The following TMEM132B variants were observed in gnomAD, a reference collection of about 807,000 sequenced individuals.
TMEM132B encodes transmembrane protein 132B.
A neutral mutation model predicts 90.8 loss-of-function variants in TMEM132B; 18 were observed. The ratio of observed to expected loss-of-function variants is 0.20; its 90% confidence interval spans 0.14 to 0.29. The LOEUF (loss-of-function observed/expected upper bound fraction) is 0.29. Among genes scored for constraint, TMEM132B ranks in the 10% least tolerant of loss-of-function variants. The pLI is 1.00. For missense variants in TMEM132B, 1,096 were observed against 1,326.8 expected (o/e 0.83, Z 2.70); for synonymous variants, 504 against 523.3 (o/e 0.96, Z 0.50).
At chr12:125,583,111 G>A (rs76202444) in intron 4 of TMEM132B, among the ~76,000 whole-genome samples, 4 of 152,142 alleles carry the variant, frequency 2.6e-5, no homozygotes, top group Non-Finnish European at 5.9e-5. Context: ...CAGTTGGGGA[G>A]GGCATTGTGG....
chr12:125,494,973 C>T lies in TMEM132B; in HGVS notation c.1107-24466C>T, dbSNP rs1354031474. The stretch of plus-strand genomic sequence containing the variant: ...CTGAAAATGGATGCGTCCCTCCTCC[C>T]CCTCCTCCCTGGAAATGGCTGTGTC... On this transcript the variant is annotated intron_variant, in intron 3 of 8. Coordinates refer to ENST00000682704, the MANE Select transcript of TMEM132B (RefSeq NM_001366854.1). Among the ~76,000 whole-genome samples the T allele has an allele frequency of 3.7e-5, 5 of 133,580 alleles. No homozygotes were observed. The East Asian group carries it at 1.0e-3, about 27-fold the overall frequency. The allele number at this position is 133,580 out of a possible 152,430, so 87.6% of individuals were successfully genotyped here.
intron 1 of TMEM132B, among the ~76,000 whole-genome samples, chr12:125,280,999 C>T (rs543049715): frequency 6.6e-5 from 10 of 152,148 alleles, no homozygotes; most frequent in Non-Finnish European, 1.5e-4. Flanking sequence ...AATTAGAAAG[C>T]GACATGAAGT....
In TMEM132B at chr12:125,662,200, T is replaced by G. The variant is rs756090283; in HGVS notation, c.*7490T>G. 6 of 152,228 alleles carry G rather than the reference T, an allele frequency of 3.9e-5. No individual in the cohort carries two copies. The highest frequency in any genetic ancestry group is 8.8e-5 in the Non-Finnish European group (6 of 68,044). The allele number at this position is 152,228 out of a possible 1,614,324, so 9.4% of individuals were successfully genotyped here. A position where few individuals can be genotyped will look rare whatever the true frequency, so the allele number is the denominator to read the frequency against. ...AACACCAGATATTATAAACAGAGCA[T>G]GCTGTTATGACATTGTGCTTCTATA... On this transcript the variant is annotated 3_prime_UTR_variant, in exon 9 of 9. Coordinates refer to ENST00000682704, the MANE Select transcript of TMEM132B (RefSeq NM_001366854.1).
At chr12:125,501,876 G>T (rs1225082473) in intron 3 of TMEM132B, among the ~76,000 whole-genome samples, 3 of 152,182 alleles carry the variant, frequency 2.0e-5, no homozygotes, top group African/African-American at 7.2e-5. Context: ...AGATGTAAGA[G>T]GACACTTCTG....
chr12:125,364,996 TA>T (rs1878082116), intron 2 of TMEM132B, among the ~76,000 whole-genome samples: 1 of 152,048 alleles, frequency 6.6e-6, no homozygotes, highest in African/African-American at 2.4e-5. Context: ...CATTAATATT[TA>T]ATATGTAATT....
At chr12:125,579,044 G>T (rs931260791) in intron 4 of TMEM132B, among the ~76,000 whole-genome samples, 1 of 151,860 alleles carries the variant, frequency 6.6e-6, no homozygotes, top group Admixed American at 6.6e-5. Flanking sequence ...CTTTTTCTCT[G>T]CCTCCTTTTC....
chr12:125,562,040 GTTGT>G (rs1183036043), intron 4 of TMEM132B, among the ~76,000 whole-genome samples: 3 of 152,182 alleles, frequency 2.0e-5, no homozygotes, highest in African/African-American at 7.2e-5. Context: ...TGGAAGATCT[GTTGT>G]TTAAGTATAG....
At chr12:125,517,378 G>T (rs1592969266) in intron 3 of TMEM132B, among the ~76,000 whole-genome samples, 1 of 114,948 alleles carries the variant, frequency 8.7e-6, no homozygotes. Flanking sequence ...ATTTTTAGTA[G>T]AGACGGGGTT....
At chr12:125,429,366 ATT>A (rs35253420) in intron 3 of TMEM132B, among the ~76,000 whole-genome samples, 8 of 150,612 alleles carry the variant, frequency 5.3e-5, no homozygotes, top group Non-Finnish European at 1.0e-4. Context: ...TGCCTAGATA[ATT>A]TTTTTTTTTG....
intron 3 of TMEM132B, among the ~76,000 whole-genome samples, chr12:125,436,945 C>G (rs1363564128): frequency 1.3e-5 from 2 of 152,190 alleles, no homozygotes; most frequent in East Asian, 3.9e-4. Flanking sequence ...CTCTGGATGC[C>G]AGGTGACTTT....
intron 5 of TMEM132B, among the ~76,000 whole-genome samples, chr12:125,598,093 G>A (rs968478755): frequency 2.6e-5 from 4 of 152,160 alleles, no homozygotes; most frequent in African/African-American, 9.7e-5. Flanking sequence ...CTATGATGAA[G>A]GAAGCTGTGT....
intron 1 of TMEM132B, among the ~76,000 whole-genome samples, chr12:125,255,624 C>G (rs1874422228): frequency 6.6e-6 from 1 of 152,176 alleles, no homozygotes; most frequent in Non-Finnish European, 1.5e-5. Context: ...CCTGCTTGAG[C>G]CTGGTCCTTG....
chr12:125,230,816 C>G (rs976829474), intron 1 of TMEM132B, among the ~76,000 whole-genome samples: 13 of 152,024 alleles, frequency 8.6e-5, no homozygotes, highest in African/African-American at 2.9e-4. Flanking sequence ...ATCAAGTCTT[C>G]CAGGTGATGC....
At chr12:125,208,927 TGCAGAGGGTGCTCAGGCCTCGG>T (rs1410189522) in intron 1 of TMEM132B, among the ~76,000 whole-genome samples, 1 of 152,112 alleles carries the variant, frequency 6.6e-6, no homozygotes, top group Non-Finnish European at 1.5e-5. Flanking sequence ...CCCTCCTAGG[TGCAGAGGGTGCTCAGGCCTCGG>T]GCAGGGGCTC....
intron 1 of TMEM132B, among the ~76,000 whole-genome samples, chr12:125,337,960 C>T (rs1877028556): frequency 6.6e-6 from 1 of 152,204 alleles, no homozygotes; most frequent in Admixed American, 6.5e-5. Context: ...TATTCATCTA[C>T]CTTGACTTCT....
At chr12:125,188,059 A>C (rs969100468) in intron 1 of TMEM132B, among the ~76,000 whole-genome samples, 1 of 152,170 alleles carries the variant, frequency 6.6e-6, no homozygotes, top group African/African-American at 2.4e-5. Flanking sequence ...TGGCATGTCA[A>C]CTTGATGTTC....
At chr12:125,528,578 G>A (rs550911311) in intron 4 of TMEM132B, among the ~76,000 whole-genome samples, 7 of 152,310 alleles carry the variant, frequency 4.6e-5, no homozygotes, top group African/African-American at 1.4e-4. Context: ...GGCAGACAAG[G>A]CCTCAACTCT....
At chr12:125,619,072 G>A (rs1455195571) in intron 5 of TMEM132B, among the ~76,000 whole-genome samples, 1 of 152,168 alleles carries the variant, frequency 6.6e-6, no homozygotes, top group East Asian at 1.9e-4. Context: ...TTTTGATTGA[G>A]TTATCTCTGC....
chr12:125,547,509 C>G (rs575526177), intron 4 of TMEM132B, among the ~76,000 whole-genome samples: 1 of 151,916 alleles, frequency 6.6e-6, no homozygotes, highest in African/African-American at 2.4e-5. Flanking sequence ...TGAGCTTTGT[C>G]GATAATATAT....
Sources: allele counts gnomAD v4.1 joint callset (sites outside exome capture counted in the v4.1 genomes callset), GRCh38; gene constraint gnomAD v4.1.1; transcripts MANE v1.5; gene names NCBI Gene and HGNC (gene_info 2026-07-23, HGNC 2026-07-21).